The following P4HB variants were observed in gnomAD, a reference collection of about 807,000 sequenced individuals.
P4HB encodes prolyl 4-hydroxylase subunit beta.
Under a neutral mutation model 52.6 loss-of-function variants are expected in P4HB, and 20 were observed. That is an observed-to-expected ratio of 0.38 (90% CI 0.27 to 0.55). The LOEUF is 0.55. P4HB is among the 20% of genes least tolerant of loss of function. The pLI, the probability that P4HB is intolerant of heterozygous loss-of-function variation, is 0.74. For missense variants in P4HB, 601 were observed against 669.2 expected, an observed-to-expected ratio of 0.90 and a Z score of 1.12; for synonymous variants, 296 against 277.9, an observed-to-expected ratio of 1.07 and a Z score of -0.65.
intron 4 of P4HB, among the ~76,000 whole-genome samples, chr17:81,852,210 A>G (rs34951724): frequency 0.23 from 35,097 of 152,076 alleles, 4,318 homozygotes; most frequent in Admixed American, 0.3. Flanking sequence ...CAGTGCTGCC[A>G]GCTGGGGGAG....
At chr17:81,860,286 G>A in intron 1 of P4HB, 41 bp downstream of exon 1, 1 of 1,379,054 alleles carries the variant, frequency 7.3e-7, no homozygotes, top group African/African-American at 1.5e-5. Flanking sequence ...GCCTGGCTCA[G>A]CGGCCCCGAG....
At position 81,846,888 on chromosome 17, in the gene P4HB, G is replaced by T. The variant is rs549371894; in HGVS notation, c.855+59C>A. On this transcript the variant is annotated intron_variant, in intron 6 of 10. Transcript: ENST00000331483. This position sits in a 1 kb window ranked among gnomAD's most constrained non-coding sequence, Gnocchi z 5.7. ...AGGAAGGCCCCACACTTGTCACCTC[G>T]GGAAGAGTTGTACTGCTCCCTGGCA... 1.2e-6 allele frequency: 2 copies of T among 1,603,246 alleles called. No individual in the cohort carries two copies. The highest frequency in any genetic ancestry group is 1.7e-5 in the Admixed American group (1 of 59,746).
Position 81,846,088 on chromosome 17 carries a change from C to T in P4HB, c.1057-97G>A, listed in dbSNP as rs1313232590. ...TGCCCGGGACTGAGGTGCGTGGCTG[C>T]CCTGGGCACACCAGGGTGGCAGCCG... On this transcript the variant is annotated intron_variant, in intron 7 of 10. Transcript: ENST00000331483. The surrounding 1 kb of genome is among the most constrained non-coding windows in gnomAD (Gnocchi z 5.7). 18 of 1,401,838 alleles carry T rather than the reference C, an allele frequency of 1.3e-5. No individual in the cohort carries two copies. Among genetic ancestry groups the T allele is most frequent in the African/African-American group, 4.4e-5 (3 of 68,868 alleles). The allele number at this position is 1,401,838 out of a possible 1,614,324, so 86.8% of individuals were successfully genotyped here.
rs2038742459 is a variant in P4HB at position 81,846,791 on chromosome 17, G to T, written c.855+156C>A. On this transcript the variant is annotated intron_variant, in intron 6 of 10. Transcript: ENST00000331483. The surrounding 1 kb of genome is among the most constrained non-coding windows in gnomAD (Gnocchi z 5.7). ...GCAGGTGACTGGGAGCAGAGGTCTG[G>T]CCTGGCTGGCCCCTCGCCTACATCC... 1 of 1,205,400 alleles carries T rather than the reference G, an allele frequency of 8.3e-7. No homozygotes were observed. The highest frequency in any genetic ancestry group is 1.2e-6 in the Non-Finnish European group (1 of 840,714). The allele number at this position is 1,205,400 out of a possible 1,614,324, so 74.7% of individuals were successfully genotyped here. A position where few individuals can be genotyped will look rare whatever the true frequency, so the allele number is the denominator to read the frequency against.
intron 2 of P4HB, among the ~76,000 whole-genome samples, chr17:81,856,711 G>A (rs765003106): frequency 6.8e-6 from 1 of 147,724 alleles, no homozygotes; most frequent in Non-Finnish European, 1.5e-5. Flanking sequence ...ATGCAGTGGC[G>A]CCATCCTGGC....
intron 4 of P4HB, 51 bp from the exon 5 acceptor site, chr17:81,847,398 C>A (rs1035517957): frequency 2.0e-6 from 3 of 1,501,656 alleles, no homozygotes; most frequent in Non-Finnish European, 2.8e-6. Context: ...GGAGCACAGC[C>A]CCTGGGCCCG....
Position 81,855,073 on chromosome 17 carries a change from G to C in P4HB, c.624+69C>G. The C allele has an allele frequency of 1.3e-6, 2 of 1,494,430 alleles. No homozygotes were observed. The highest frequency in any genetic ancestry group is 3.4e-5 in the Admixed American group (2 of 59,106). The allele number at this position is 1,494,430 out of a possible 1,614,324, so 92.6% of individuals were successfully genotyped here. On this transcript the variant is annotated intron_variant, in intron 4 of 10. Coordinates refer to ENST00000331483, the MANE Select transcript of P4HB (RefSeq NM_000918.4). This position sits in a 1 kb window ranked among gnomAD's most constrained non-coding sequence, Gnocchi z 4.3. ...GGAGCAAGGTTCCCTTAACGATAAGGAGAGCAACGCCACCCTCTGCAGACC... is the reference window on the plus strand; with the variant it reads ...GGAGCAAGGTTCCCTTAACGATAAGCAGAGCAACGCCACCCTCTGCAGACC...
chr17:81,857,998 T>C (rs2038937399), intron 2 of P4HB, among the ~76,000 whole-genome samples: 1 of 151,762 alleles, frequency 6.6e-6, no homozygotes, highest in African/African-American at 2.4e-5. Flanking sequence ...GAGTAAAAAA[T>C]GAGAACATCA....
chr17:81,846,995 G>A lies in P4HB; in HGVS notation c.807C>T (p.Asp269=), dbSNP rs139616591. Residue 269 remains aspartate, a synonymous_variant, in exon 6 of 11, where the codon GAC becomes GAT. Transcript: ENST00000331483. The surrounding 1 kb of genome is among the most constrained non-coding windows in gnomAD (Gnocchi z 5.7). Reference sequence around the variant, plus strand: ...CTGTTTTGAAGTTGCTCAGTTTGCCGTCATAGTCAGACACACTCTTGGGCA... The same window carrying A: ...CTGTTTTGAAGTTGCTCAGTTTGCCATCATAGTCAGACACACTCTTGGGCA... ...LFLPKSVSDY[D]GKLSNFKTAA... is the part of the protein sequence containing the mutation. 56 of 1,613,952 alleles carry A rather than the reference G, an allele frequency of 3.5e-5. No individual in the cohort carries two copies. The highest frequency in any genetic ancestry group is 4.0e-5 in the African/African-American group (3 of 74,912).
intron 1 of P4HB, 57 bp from the exon 2 acceptor site, chr17:81,859,444 C>T: frequency 1.4e-6 from 2 of 1,451,528 alleles, no homozygotes; most frequent in Non-Finnish European, 1.9e-6. Context: ...CAGCCTTGAT[C>T]CCTCAGCAGT....
Position 81,858,243 on chromosome 17 carries a change from G to A in P4HB, c.352+938C>T, listed in dbSNP as rs149522609. Among the ~76,000 whole-genome samples, 32 of 121,798 alleles carry A rather than the reference G, an allele frequency of 2.6e-4. 2 individuals are homozygous for A. Among genetic ancestry groups the A allele is most frequent in the African/African-American group, 8.6e-4 (27 of 31,250 alleles). 79.9% of individuals were successfully genotyped at this position (121,798 alleles called of 152,430 possible). A position where few individuals can be genotyped will look rare whatever the true frequency, so the allele number is the denominator to read the frequency against. ...GCAGAGATCGCACCACTGCACGACA[G>A]AGCGAGACTGTCTCAAAAAAAAAAA... is the stretch of plus-strand genomic sequence containing the variant. On this transcript the variant is annotated intron_variant, in intron 2 of 10. Transcript: ENST00000331483.
At chr17:81,847,896 G>C (rs1339142603) in intron 4 of P4HB, 2 of 152,504 alleles carry the variant, frequency 1.3e-5, no homozygotes, top group African/African-American at 4.9e-5. Context: ...TGGCCACGAA[G>C]GTCTTGATCT....
At position 81,843,906 on chromosome 17, in the gene P4HB, G is replaced by T; in HGVS notation, c.*106C>A. The T allele has an allele frequency of 1.2e-6, 1 of 824,504 alleles. No individual in the cohort carries two copies. The highest frequency in any genetic ancestry group is 2.1e-6 in the Non-Finnish European group (1 of 471,068). 51.1% of individuals were successfully genotyped at this position (824,504 alleles called of 1,614,324 possible). A position where few individuals can be genotyped will look rare whatever the true frequency, so the allele number is the denominator to read the frequency against. ...CTTCAGAGAGGTTCCCTGGGTTTCC[G>T]GCGACGCCCTCCTTCAAGCGAGGCC... On this transcript the variant is annotated 3_prime_UTR_variant, in exon 11 of 11. Transcript: ENST00000331483.
chr17:81,846,538 C>T lies in P4HB; in HGVS notation c.947G>A (p.Arg316His), dbSNP rs776010531. ...GLKKEECPAV[R>H]LITLEEEMTK... ...CATCTCCTCCTCCAGGGTGATGAGG[C>T]GCACGGCCGGGCACTCTTCCTTCTT... The change falls in exon 7 of 11, where the codon CGC becomes CAC. Residue 316 changes from arginine to histidine, a missense_variant. Arg to His is a conservative substitution (Grantham distance 29). Transcript: ENST00000331483. The surrounding 1 kb of genome is among the most constrained non-coding windows in gnomAD (Gnocchi z 5.7). The T allele has an allele frequency of 9.3e-6, 15 of 1,613,944 alleles. No homozygotes were observed. The highest frequency in any genetic ancestry group is 8.8e-5 in the South Asian group (8 of 91,080).
At chr17:81,848,054 G>A (rs964217052) in intron 4 of P4HB, among the ~76,000 whole-genome samples, 4 of 152,016 alleles carry the variant, frequency 2.6e-5, no homozygotes, top group South Asian at 2.1e-4. Flanking sequence ...ATAGGCGCCC[G>A]CCACCACCGG....
At position 81,855,468 on chromosome 17, in the gene P4HB, G is replaced by T; in HGVS notation, c.471C>A (p.Val157=). The stretch of plus-strand genomic sequence containing the variant: ...TGGTCTCTACCTTGAAGAAGCCGAT[G>T]ACAGCCACCTCGCTGGACTCCACCA... ...ESLVESSEVA[V]IGFFKDVESD... Residue 157 remains valine (V), a synonymous_variant, in exon 3 of 11, where the codon GTC becomes GTA. Coordinates refer to ENST00000331483, the MANE Select transcript of P4HB (RefSeq NM_000918.4). This position sits in a 1 kb window ranked among gnomAD's most constrained non-coding sequence, Gnocchi z 4.3. The T allele has an allele frequency of 6.2e-7, 1 of 1,612,862 alleles. No individual in the cohort carries two copies. Among genetic ancestry groups the T allele is most frequent in the East Asian group, 2.2e-5 (1 of 44,858 alleles).
At chr17:81,850,488 CT>C (rs1340108641) in intron 4 of P4HB, among the ~76,000 whole-genome samples, 1 of 150,762 alleles carries the variant, frequency 6.6e-6, no homozygotes, top group Admixed American at 6.6e-5. Flanking sequence ...TTTATTTTAT[CT>C]ATTTTGAGAC....
At chr17:81,844,212 G>A (rs933018236) in intron 10 of P4HB, 120 bp from the exon 11 acceptor site, 11 of 782,298 alleles carry the variant, frequency 1.4e-5, no homozygotes, top group Admixed American at 1.2e-4. Context: ...CATGGCCACC[G>A]GCCACTGGAG....
Position 81,860,176 on chromosome 17 carries a change from T to G in P4HB, c.145+151A>C, listed in dbSNP as rs8069408. On this transcript the variant is annotated intron_variant, in intron 1 of 10. Coordinates refer to ENST00000331483, the MANE Select transcript of P4HB (RefSeq NM_000918.4). ...CCGGCTCTCACCCCCAGGGAGCCCC[T>G]GACATGGCCCCCAAGGCGGGCAGCA... 112,907 of 612,704 alleles carry G rather than the reference T, an allele frequency of 0.18. 11,272 individuals carry two copies. The highest frequency in any genetic ancestry group is 0.31 in the African/African-American group (16,275 of 51,716). 38.0% of individuals were successfully genotyped at this position (612,704 alleles called of 1,614,324 possible).
Sources: gnomAD v4.1 joint callset for allele counts (sites outside exome capture counted in the v4.1 genomes callset) on GRCh38, gnomAD v4.1.1 for gene constraint, Gnocchi (gnomAD v3.1) non-coding constraint, MANE v1.5 for transcripts, NCBI Gene and HGNC (gene_info 2026-07-23, HGNC 2026-07-21) for gene names.